Variants in RANBP2 observed in about 807,000 individuals in gnomAD.
The protein encoded by RANBP2 is E3 SUMO-protein ligase RanBP2.
A neutral mutation model predicts 303.6 loss-of-function variants in RANBP2; 57 were observed. The observed-to-expected ratio is 0.19, with a 90% confidence interval of 0.15 to 0.23. RANBP2 has a LOEUF of 0.23. RANBP2 is among the 10% of genes least tolerant of loss of function. RANBP2 has a pLI of 1.00. For synonymous variants in RANBP2, 1,167 were observed against 1,301.5 expected (o/e 0.90, Z 2.23); for missense variants, 3,138 against 3,780.8 (o/e 0.83, Z 4.46).
the RANBP2 span, among the ~76,000 whole-genome samples, chr2:109,713,005 G>A: frequency 6.6e-6 from 1 of 152,208 alleles, no homozygotes; most frequent in East Asian, 1.9e-4. Context: ...CTGTTTGACG[G>A]AATATGAAAA....
chr2:108,934,554 C>T, the RANBP2 span, among the ~76,000 whole-genome samples: 2 of 152,180 alleles, frequency 1.3e-5, no homozygotes, highest in Non-Finnish European at 2.9e-5. Context: ...CACGGACTGG[C>T]TAATGAACTG....
At chr2:109,096,766 A>G in the RANBP2 span, among the ~76,000 whole-genome samples, 77,963 of 151,298 alleles carry the variant, frequency 0.52, 21,505 homozygotes, top group South Asian at 0.66. Context: ...GAGCCAAGAA[A>G]ACTTTTCTAT....
At chr2:109,525,076 G>GT in the RANBP2 span, among the ~76,000 whole-genome samples, 74 of 144,942 alleles carry the variant, frequency 5.1e-4, no homozygotes, top group South Asian at 9.1e-3. Context: ...GCTCCTTACC[G>GT]TTGTTTTTTT....
intron 17 of RANBP2, among the ~76,000 whole-genome samples, chr2:108,757,422 G>C (rs4099611): frequency 1.4e-4 from 21 of 152,268 alleles, no homozygotes; most frequent in East Asian, 1.2e-3. Flanking sequence ...CCCTGCATCC[G>C]TTTCTCTCAT....
At chr2:108,878,039 T>C in the RANBP2 span, among the ~76,000 whole-genome samples, 1 of 152,208 alleles carries the variant, frequency 6.6e-6, no homozygotes, top group African/African-American at 2.4e-5. Flanking sequence ...CATTCAGGCG[T>C]TGAGAAATTA....
chr2:109,633,068 T>TA, the RANBP2 span, among the ~76,000 whole-genome samples: 3 of 152,034 alleles, frequency 2.0e-5, no homozygotes, highest in African/African-American at 7.2e-5. Context: ...AATTTTTTTT[T>TA]AAAGTTTTGA....
At chr2:109,774,541 A>T in the RANBP2 span, among the ~76,000 whole-genome samples, 2 of 93,796 alleles carry the variant, frequency 2.1e-5, no homozygotes, top group South Asian at 3.4e-4. Context: ...TTATATATAA[A>T]ATATATATAA....
At chr2:108,754,196 C>T (rs1463039851) in intron 15 of RANBP2, among the ~76,000 whole-genome samples, 1 of 151,710 alleles carries the variant, frequency 6.6e-6, no homozygotes, top group Non-Finnish European at 1.5e-5. Context: ...AAAAGTACTT[C>T]TTGGGGAATT....
the RANBP2 span, among the ~76,000 whole-genome samples, chr2:108,854,037 A>G: frequency 5.8e-5 from 4 of 69,352 alleles, no homozygotes; most frequent in Non-Finnish European, 1.1e-4. Flanking sequence ...TATTATATAT[A>G]ATATATAATA....
At chr2:109,103,363 T>C in the RANBP2 span, among the ~76,000 whole-genome samples, 1 of 152,222 alleles carries the variant, frequency 6.6e-6, no homozygotes, top group African/African-American at 2.4e-5. Context: ...TATGTATTGA[T>C]TGATGCCTTA....
At chr2:108,906,345 G>T in the RANBP2 span, 1 of 1,614,152 alleles carries the variant, frequency 6.2e-7, no homozygotes, top group South Asian at 1.1e-5. Flanking sequence ...ACACATCGAG[G>T]ATCTTTTTCC....
chr2:108,816,242 G>T, the RANBP2 span: 1 of 610,322 alleles, frequency 1.6e-6, no homozygotes. Context: ...CCTGAGGTCA[G>T]GAGTTTAAGA....
the RANBP2 span, chr2:109,616,311 T>C: frequency 2.6e-6 from 1 of 378,784 alleles, no homozygotes; most frequent in Non-Finnish European, 4.6e-6. Flanking sequence ...CTGGAGTCCG[T>C]TTCTGGAGAC....
At chr2:109,180,042 G>A in the RANBP2 span, among the ~76,000 whole-genome samples, 2 of 152,184 alleles carry the variant, frequency 1.3e-5, no homozygotes, top group South Asian at 4.2e-4. Flanking sequence ...GGATCTTATT[G>A]TAAGGTTTGC....
At chr2:109,170,249 CTTCTCTT>C in the RANBP2 span, among the ~76,000 whole-genome samples, 1 of 5,874 alleles carries the variant, frequency 1.7e-4, no homozygotes, top group East Asian at 3.9e-3. Context: ...TTTCTTTTCT[CTTCTCTT>C]CTCTTCTCTT....
the RANBP2 span, among the ~76,000 whole-genome samples, chr2:109,648,066 A>G: frequency 1.3e-5 from 2 of 152,190 alleles, no homozygotes; most frequent in African/African-American, 4.8e-5. Context: ...CAGGATGGAA[A>G]CAGAGAGGGT....
chr2:108,931,095 C>A, the RANBP2 span: 1 of 1,359,394 alleles, frequency 7.4e-7, no homozygotes, highest in Admixed American at 1.7e-5. Flanking sequence ...GTCTGGCTAC[C>A]TTTATTTAAC....
At chr2:108,832,175 G>GT in the RANBP2 span, among the ~76,000 whole-genome samples, 2 of 151,152 alleles carry the variant, frequency 1.3e-5, no homozygotes, top group African/African-American at 4.9e-5. Flanking sequence ...GATTACAGGT[G>GT]TACGCCATCA....
At chr2:109,095,111 T>A in the RANBP2 span, among the ~76,000 whole-genome samples, 2 of 152,232 alleles carry the variant, frequency 1.3e-5, no homozygotes, top group Non-Finnish European at 2.9e-5. Context: ...TCAATTTACC[T>A]ACTTTGGAGC....
Sources: allele counts gnomAD v4.1 joint callset (sites outside exome capture counted in the v4.1 genomes callset), GRCh38; gene constraint gnomAD v4.1.1; transcripts MANE v1.5; gene names NCBI Gene and HGNC (gene_info 2026-07-23, HGNC 2026-07-21).